Variants in CSTF3 observed in about 807,000 individuals in gnomAD.
The protein encoded by CSTF3 is CF-1 77 kDa subunit.
CSTF3 carries 29 observed loss-of-function variants against 105.8 expected under a neutral mutation model. The ratio of observed to expected loss-of-function variants is 0.27; its 90% CI spans 0.20 to 0.37. CSTF3 has a LOEUF of 0.37. CSTF3 is among the 10% of genes least tolerant of loss of function. The pLI is 1.00. For missense variants in CSTF3, 357 were observed against 879.3 expected (o/e 0.41, Z 7.51); for synonymous variants, 252 against 281.9 (o/e 0.89, Z 1.06).
chr11:33,121,516 CTCT>C (rs1352601682), intron 3 of CSTF3, among the ~76,000 whole-genome samples: 1 of 152,066 alleles, frequency 6.6e-6, no homozygotes, highest in African/African-American at 2.4e-5. Flanking sequence ...ATTTTACCTC[CTCT>C]AATTATATTT....
intron 10 of CSTF3, among the ~76,000 whole-genome samples, chr11:33,100,879 C>G (rs1855274560): frequency 6.6e-6 from 1 of 152,150 alleles, no homozygotes; most frequent in Non-Finnish European, 1.5e-5. Flanking sequence ...AACAGCAAGG[C>G]AAGATTGAGG....
intron 20 of CSTF3, 62 bp downstream of exon 20, chr11:33,085,651 C>T (rs1855097433): frequency 7.2e-7 from 1 of 1,397,942 alleles, no homozygotes; most frequent in Non-Finnish European, 1.0e-6. Context: ...GAATAATAAT[C>T]TCTACTGCCT....
At chr11:33,104,168 A>T (rs1202294611) in intron 8 of CSTF3, among the ~76,000 whole-genome samples, 1 of 152,138 alleles carries the variant, frequency 6.6e-6, no homozygotes, top group African/African-American at 2.4e-5. Context: ...AACACTTTTT[A>T]AAAAGACAAA....
rs1855093211 is a variant in CSTF3 at position 33,085,307 on chromosome 11, C to A, written c.1952-18G>T. The A allele has an allele frequency of 1.3e-6, 2 of 1,518,100 alleles. No homozygotes were observed. Among genetic ancestry groups the A allele is most frequent in the Non-Finnish European group, 1.8e-6 (2 of 1,135,538 alleles). The allele number at this position is 1,518,100 out of a possible 1,614,324, so 94.0% of individuals were successfully genotyped here. On this transcript the variant is annotated intron_variant, in intron 20 of 20. Transcript: ENST00000323959. ...CTCAACAGCTATTAAAACAAAACAA[C>A]AAAACGTAAAAACATATTCCACTAT...
chr11:33,126,199 C>A (rs1282281493), intron 3 of CSTF3, among the ~76,000 whole-genome samples: 4 of 152,100 alleles, frequency 2.6e-5, no homozygotes, highest in Non-Finnish European at 5.9e-5. Context: ...GTGGCTCATG[C>A]CTGTAATCCC....
At chr11:33,142,708 A>T (rs1855728425) in intron 1 of CSTF3, among the ~76,000 whole-genome samples, 1 of 152,202 alleles carries the variant, frequency 6.6e-6, no homozygotes, top group African/African-American at 2.4e-5. Context: ...ATATTGATTG[A>T]TTTACAAATA....
intron 15 of CSTF3, among the ~76,000 whole-genome samples, chr11:33,093,462 C>G (rs1001871484): frequency 6.6e-6 from 1 of 152,144 alleles, no homozygotes; most frequent in African/African-American, 2.4e-5. Flanking sequence ...GTGCCCTTCT[C>G]TATGACACCC....
At chr11:33,123,955 G>A (rs1853193710) in intron 3 of CSTF3, among the ~76,000 whole-genome samples, 1 of 151,796 alleles carries the variant, frequency 6.6e-6, no homozygotes, top group Non-Finnish European at 1.5e-5. Context: ...ATGTCTAGGT[G>A]ACATATAACT....
intron 3 of CSTF3, among the ~76,000 whole-genome samples, chr11:33,121,337 A>C (rs1203663531): frequency 6.6e-6 from 1 of 152,124 alleles, no homozygotes; most frequent in Non-Finnish European, 1.5e-5. Flanking sequence ...ACTTATCTCC[A>C]GAATATTTAT....
At chr11:33,091,059 G>A (rs894525441) in intron 16 of CSTF3, among the ~76,000 whole-genome samples, 6 of 152,076 alleles carry the variant, frequency 3.9e-5, no homozygotes, top group Non-Finnish European at 8.8e-5. Context: ...GTCAACATGA[G>A]ACTTACCTTA....
chr11:33,088,289 C>CTT lies in CSTF3; in HGVS notation c.1642-1150_1642-1149dup, dbSNP rs951194279. On this transcript the variant is annotated intron_variant, in intron 17 of 20. Coordinates refer to ENST00000323959, the MANE Select transcript of CSTF3 (RefSeq NM_001326.3). ...AGTTCTACTCCTGAATACTTACTCTCTTTTTTTTTTTTTTTGAGACAGAGT... is the reference window on the plus strand; with the variant it reads ...AGTTCTACTCCTGAATACTTACTCTCTTTTTTTTTTTTTTTTTGAGACAGAGT... Among the ~76,000 whole-genome samples, 397 of 141,026 alleles carry CTT rather than the reference C, an allele frequency of 2.8e-3. 2 individuals are homozygous for CTT. Among genetic ancestry groups the CTT allele is most frequent in the African/African-American group, 9.7e-3 (367 of 37,852 alleles). The allele number at this position is 141,026 out of a possible 152,430, so 92.5% of individuals were successfully genotyped here.
chr11:33,144,522 T>C (rs1032243055), intron 1 of CSTF3, among the ~76,000 whole-genome samples: 1 of 152,192 alleles, frequency 6.6e-6, no homozygotes, highest in African/African-American at 2.4e-5. Context: ...AATTTTTCAA[T>C]AAATGGTTTC....
chr11:33,097,950 C>G (rs1392352252), intron 13 of CSTF3, among the ~76,000 whole-genome samples: 1 of 152,008 alleles, frequency 6.6e-6, no homozygotes. Context: ...GGAATTTCAT[C>G]TAGTTTGTCA....
At chr11:33,134,169 CT>C (rs1215499341) in intron 3 of CSTF3, among the ~76,000 whole-genome samples, 2 of 152,148 alleles carry the variant, frequency 1.3e-5, no homozygotes, top group African/African-American at 2.4e-5. Flanking sequence ...GTTCTTGCAA[CT>C]TTTTTGTAAG....
At chr11:33,118,297 T>C (rs998647513) in intron 3 of CSTF3, among the ~76,000 whole-genome samples, 1 of 151,870 alleles carries the variant, frequency 6.6e-6, no homozygotes, top group Non-Finnish European at 1.5e-5. Context: ...CAGTCAAGAA[T>C]CTCAAAGGTA....
chr11:33,127,688 C>T (rs780650203), intron 3 of CSTF3, among the ~76,000 whole-genome samples: 3 of 152,078 alleles, frequency 2.0e-5, no homozygotes, highest in African/African-American at 4.8e-5. Context: ...AGTGCAATGG[C>T]GCGATGTTTT....
At chr11:33,125,479 A>C (rs1198297335) in intron 3 of CSTF3, among the ~76,000 whole-genome samples, 1 of 152,218 alleles carries the variant, frequency 6.6e-6, no homozygotes, top group African/African-American at 2.4e-5. Context: ...GGCTGAGTCT[A>C]CTTTACATAC....
chr11:33,151,142 G>T (rs1855854140), intron 1 of CSTF3, among the ~76,000 whole-genome samples: 1 of 152,172 alleles, frequency 6.6e-6, no homozygotes, highest in South Asian at 2.1e-4. Flanking sequence ...TGTCTCTAGG[G>T]ATGTGCCCAT....
At chr11:33,119,506 T>C (rs994973501) in intron 3 of CSTF3, among the ~76,000 whole-genome samples, 1 of 151,798 alleles carries the variant, frequency 6.6e-6, no homozygotes, top group Non-Finnish European at 1.5e-5. Context: ...ACTTCCACAA[T>C]GAAGTAGATA....
Sources: gnomAD v4.1 joint callset for allele counts (sites outside exome capture counted in the v4.1 genomes callset) on GRCh38, gnomAD v4.1.1 for gene constraint, MANE v1.5 for transcripts, NCBI Gene and HGNC (gene_info 2026-07-23, HGNC 2026-07-21) for gene names.